Variants in LTA observed in about 807,000 individuals in gnomAD.
LTA encodes lymphotoxin-alpha.
In LTA, 6 loss-of-function variants were observed where a neutral mutation model predicts 15.1. The observed-to-expected ratio is 0.40, with a 90% CI of 0.22 to 0.78. LTA has a LOEUF of 0.78. Among genes scored for constraint, LTA ranks in the 30% least tolerant of loss-of-function variants. The pLI is 0.38. For missense variants in LTA, 173 were observed against 249.5 expected, an observed-to-expected ratio of 0.69 and a Z score of 2.06; for synonymous variants, 87 against 107.3, an observed-to-expected ratio of 0.81 and a Z score of 1.17.
the LTA span, among the ~76,000 whole-genome samples, chr6:31,564,182 A>G: frequency 1.3e-5 from 2 of 152,198 alleles, no homozygotes; most frequent in Admixed American, 6.5e-5. Flanking sequence ...AAAATGGAGG[A>G]GGGAAGAAGA....
At chr6:31,570,940 A>G (rs1770797845), upstream of LTA, among the ~76,000 whole-genome samples, 2 of 152,138 alleles carry the variant, frequency 1.3e-5, no homozygotes, top group African/African-American at 4.8e-5. Flanking sequence ...TGGGGACCTG[A>G]AAATACGTGG....
At chr6:31,561,983 G>A in the LTA span, among the ~76,000 whole-genome samples, 1 of 151,882 alleles carries the variant, frequency 6.6e-6, no homozygotes, top group Non-Finnish European at 1.5e-5. Context: ...TCCCTTCCCA[G>A]TAGAGGTTGA....
the LTA span, among the ~76,000 whole-genome samples, chr6:31,564,135 G>A: frequency 6.6e-6 from 1 of 152,198 alleles, no homozygotes; most frequent in Non-Finnish European, 1.5e-5. Context: ...TCCAAGTGAT[G>A]CTGGGGTTTG....
chr6:31,566,519 A>G, the LTA span, among the ~76,000 whole-genome samples: 1 of 151,386 alleles, frequency 6.6e-6, no homozygotes, highest in Non-Finnish European at 1.5e-5. Context: ...ATGCACCTAT[A>G]ATCCCAGCTA....
chr6:31,568,947 C>T (rs112777617), upstream of LTA, among the ~76,000 whole-genome samples: 10 of 152,090 alleles, frequency 6.6e-5, no homozygotes, highest in African/African-American at 1.9e-4. This position sits in a 1 kb window ranked among gnomAD's most constrained non-coding sequence, Gnocchi z 4.1. Flanking sequence ...ATTTAAATTT[C>T]TCTCTGTGTC....
chr6:31,561,183 A>G, the LTA span, among the ~76,000 whole-genome samples: 1 of 152,226 alleles, frequency 6.6e-6, no homozygotes, highest in Non-Finnish European at 1.5e-5. Flanking sequence ...CATGTGATGA[A>G]GAAAGGACCA....
the LTA span, among the ~76,000 whole-genome samples, chr6:31,566,418 G>A: frequency 2.7e-4 from 41 of 152,120 alleles, no homozygotes; most frequent in African/African-American, 7.2e-4. Flanking sequence ...TGAGGCAGGC[G>A]GATCACTTGA....
In LTA at chr6:31,573,709, A is replaced by T. The variant is rs1300326449; in HGVS notation, c.*16A>T. On this transcript the variant is annotated 3_prime_UTR_variant, in exon 4 of 4. Transcript: ENST00000418386. ...CGCTCTGTAGAACTTGGAAAAATCC[A>T]GAAAGAAAAAATAATTGATTTCAAG... 6.2e-7 allele frequency: 1 copy of T among 1,613,328 alleles called. No homozygotes were observed. The highest frequency in any genetic ancestry group is 8.5e-7 in the Non-Finnish European group (1 of 1,179,628).
the LTA span, among the ~76,000 whole-genome samples, chr6:31,561,405 C>T: frequency 6.6e-6 from 1 of 152,162 alleles, no homozygotes; most frequent in Non-Finnish European, 1.5e-5. Context: ...GTGGTGGTGG[C>T]CAGGCACCTC....
At chr6:31,567,141 A>G (rs1240578497), upstream of LTA, among the ~76,000 whole-genome samples, 1 of 151,506 alleles carries the variant, frequency 6.6e-6, no homozygotes, top group African/African-American at 2.4e-5. Flanking sequence ...ACTAAATACA[A>G]AAAATTAGCC....
At chr6:31,564,742 GA>G in the LTA span, among the ~76,000 whole-genome samples, 90,593 of 141,894 alleles carry the variant, frequency 0.64, 28,788 homozygotes, top group African/African-American at 0.72. Flanking sequence ...CCTATCTCTG[GA>G]AAAAAAAAAA....
At chr6:31,569,478 CAA>C (rs775058362), upstream of LTA, among the ~76,000 whole-genome samples, 8 of 152,046 alleles carry the variant, frequency 5.3e-5, no homozygotes, top group Admixed American at 3.9e-4. Context: ...CACACTGACA[CAA>C]GAGATAATAA....
In LTA at chr6:31,573,926, G is replaced by A; in HGVS notation, c.*233G>A. 1.4e-6 allele frequency: 1 copy of A among 699,742 alleles called. No individual in the cohort carries two copies. Among genetic ancestry groups the A allele is most frequent in the African/African-American group, 1.7e-5 (1 of 57,294 alleles). 43.3% of individuals were successfully genotyped at this position (699,742 alleles called of 1,614,324 possible). A position where few individuals can be genotyped will look rare whatever the true frequency, so the allele number is the denominator to read the frequency against. On this transcript the variant is annotated 3_prime_UTR_variant, in exon 4 of 4. Transcript: ENST00000418386. ...CTGTCTGGCTGAGGATTTCAAGCCT[G>A]CCTAGGAATTCCCAGCCCAAAGCTG...
At chr6:31,570,123 T>G (rs1562471996), upstream of LTA, among the ~76,000 whole-genome samples, 1 of 152,242 alleles carries the variant, frequency 6.6e-6, no homozygotes, top group Non-Finnish European at 1.5e-5. Flanking sequence ...ATAAATGTAT[T>G]ATGCTTTTCT....
Position 31,573,023 on chromosome 6 carries a change from TCA to T in LTA, c.197_198del (p.His66ProfsTer68), listed in dbSNP as rs1439950265. On this transcript the variant is annotated frameshift_variant, in exon 3 of 4. Coordinates refer to ENST00000418386, the MANE Select transcript of LTA (RefSeq NM_000595.4). LOFTEE classifies it high-confidence loss of function. ...LAHSTLKPAA[H>X]LIGDPSKQNS... ...CCCACAGCACCCTCAAACCTGCTGC[TCA>T]CCTCATTGGTAAACATCCACCTGAC... The T allele has an allele frequency of 6.2e-7, 1 of 1,612,040 alleles. No individual in the cohort carries two copies. Among genetic ancestry groups the T allele is most frequent in the Non-Finnish European group, 8.5e-7 (1 of 1,179,520 alleles).
intron 1 of LTA, 31 bp from the exon 2 acceptor site, chr6:31,572,701 ACT>A: frequency 9.9e-6 from 14 of 1,411,144 alleles, no homozygotes; most frequent in Non-Finnish European, 1.4e-5. Flanking sequence ...CGCCCCGCTC[ACT>A]GTCTCTCTCT....
chr6:31,560,678 G>C, the LTA span, among the ~76,000 whole-genome samples: 1 of 152,188 alleles, frequency 6.6e-6, no homozygotes, highest in African/African-American at 2.4e-5. Flanking sequence ...ACCAGGAGTT[G>C]AGTCTCAGTG....
At chr6:31,570,160 A>C (rs985292745), upstream of LTA, among the ~76,000 whole-genome samples, 1 of 152,148 alleles carries the variant, frequency 6.6e-6, no homozygotes, top group African/African-American at 2.4e-5. Flanking sequence ...TTATTATAGG[A>C]GTATTGGCCA....
the LTA span, among the ~76,000 whole-genome samples, chr6:31,566,642 GA>G: frequency 0.16 from 19,038 of 122,800 alleles, 1,282 homozygotes; most frequent in South Asian, 0.25. Context: ...TGTCTTAAAA[GA>G]AAAAAAAAAA....
Sources: allele counts gnomAD v4.1 joint callset (sites outside exome capture counted in the v4.1 genomes callset), GRCh38; gene constraint gnomAD v4.1.1; non-coding constraint Gnocchi (gnomAD v3.1); transcripts MANE v1.5; gene names NCBI Gene and HGNC (gene_info 2026-07-23, HGNC 2026-07-21).